The following SPIDR variants were observed in gnomAD, a reference collection of about 807,000 sequenced individuals.
SPIDR encodes scaffold protein involved in DNA repair.
SPIDR carries 93 observed loss-of-function variants against 104.6 expected under a neutral mutation model. The observed-to-expected ratio is 0.89, with a 90% CI of 0.75 to 1.06. The LOEUF is 1.06. Among genes scored for constraint, SPIDR ranks in the 50% least tolerant of loss-of-function variants. SPIDR has a pLI of 0.00. For synonymous variants in SPIDR, 431 were observed against 416.9 expected, an observed-to-expected ratio of 1.03 and a Z score of -0.41; for missense variants, 1,154 against 1,111.2, an observed-to-expected ratio of 1.04 and a Z score of -0.55.
chr8:47,710,731 G>C (rs976005961), intron 14 of SPIDR, among the ~76,000 whole-genome samples: 2 of 152,062 alleles, frequency 1.3e-5, no homozygotes, highest in African/African-American at 4.8e-5. Context: ...GCCTCCCAAA[G>C]TGCTGAGATT....
chr8:47,557,329 A>G (rs551933520), intron 8 of SPIDR, among the ~76,000 whole-genome samples: 1 of 152,302 alleles, frequency 6.6e-6, no homozygotes, highest in African/African-American at 2.4e-5. Flanking sequence ...CCTGAACCCT[A>G]GGAACCTACG....
At chr8:47,576,027 G>C (rs1011338415) in intron 8 of SPIDR, among the ~76,000 whole-genome samples, 2 of 150,264 alleles carry the variant, frequency 1.3e-5, no homozygotes, top group East Asian at 3.9e-4. Flanking sequence ...AATTTTAAAC[G>C]ATCTGTTATG....
intron 5 of SPIDR, among the ~76,000 whole-genome samples, chr8:47,388,935 T>C (rs1439993126): frequency 6.6e-6 from 1 of 152,242 alleles, no homozygotes; most frequent in African/African-American, 2.4e-5. Context: ...ACCAGACTGT[T>C]GTCTTTGTTG....
intron 8 of SPIDR, among the ~76,000 whole-genome samples, chr8:47,517,029 G>A (rs1254335670): frequency 6.6e-6 from 1 of 152,154 alleles, no homozygotes; most frequent in African/African-American, 2.4e-5. Context: ...TTGTCGCCCA[G>A]GCTGGAGTAC....
At chr8:47,298,103 A>T (rs2041247033) in intron 5 of SPIDR, among the ~76,000 whole-genome samples, 1 of 152,132 alleles carries the variant, frequency 6.6e-6, no homozygotes, top group Non-Finnish European at 1.5e-5. Context: ...GTTTCTCCAC[A>T]TCCTCTCCAG....
rs139535482 is a variant in SPIDR, at chr8:47,581,543, C to T, written c.1098-14268C>T. On this transcript the variant is annotated intron_variant, in intron 8 of 19. Transcript: ENST00000297423. ...AGTATCTCTCCCTGTATAAGGCGCT[C>T]CAGCATAGTAGCCCTGCTGGACAGA... Among the ~76,000 whole-genome samples the T allele has an allele frequency of 4.9e-3, 753 of 152,258 alleles. 7 individuals are homozygous for T. The highest frequency in any genetic ancestry group is 0.017 in the African/African-American group (715 of 41,546).
chr8:47,439,922 GA>G (rs1303468558), intron 7 of SPIDR, among the ~76,000 whole-genome samples: 1 of 152,142 alleles, frequency 6.6e-6, no homozygotes, highest in African/African-American at 2.4e-5. Context: ...AATCAAAACA[GA>G]TAATAAAGAG....
Position 47,424,797 on chromosome 8 carries a change from G to A in SPIDR, c.878-15526G>A, listed in dbSNP as rs544299264. Among the ~76,000 whole-genome samples, 30 of 152,272 alleles carry A rather than the reference G, an allele frequency of 2.0e-4. 1 individual carries two copies. Among genetic ancestry groups the A allele is most frequent in the Admixed American group, 1.5e-3 (23 of 15,300 alleles). ...GTTGTGCAGGCTGGAGTGCAGTGGC[G>A]CAGCCTTGGCTCACTGTAACCTCCG... On this transcript the variant is annotated intron_variant, in intron 7 of 19. Transcript: ENST00000297423.
chr8:47,506,857 T>G (rs2081563243), intron 8 of SPIDR, among the ~76,000 whole-genome samples: 1 of 152,076 alleles, frequency 6.6e-6, no homozygotes, highest in Non-Finnish European at 1.5e-5. Context: ...TAGCAGGCGG[T>G]CCCTCCAAAT....
chr8:47,506,219 A>G (rs970222958), intron 8 of SPIDR, among the ~76,000 whole-genome samples: 14 of 152,158 alleles, frequency 9.2e-5, no homozygotes, highest in Non-Finnish European at 2.1e-4. Context: ...CAGCTACTAG[A>G]CAGTTCAGCA....
chr8:47,563,287 G>A (rs1298928134), intron 8 of SPIDR, among the ~76,000 whole-genome samples: 1 of 151,794 alleles, frequency 6.6e-6, no homozygotes, highest in African/African-American at 2.4e-5. Context: ...CTCCTGCCTC[G>A]GCTCACCAAG....
intron 8 of SPIDR, among the ~76,000 whole-genome samples, chr8:47,570,602 T>C (rs1303625601): frequency 6.6e-6 from 1 of 151,972 alleles, no homozygotes; most frequent in African/African-American, 2.4e-5. Context: ...AAAGACACTA[T>C]CAAGAAAGTG....
chr8:47,511,413 CAT>C, intron 8 of SPIDR: 1 of 827,546 alleles, frequency 1.2e-6, no homozygotes. Context: ...ATTTGGACTT[CAT>C]AAAGTCCTCG....
intron 8 of SPIDR, among the ~76,000 whole-genome samples, chr8:47,453,530 T>C (rs1383019690): frequency 1.3e-5 from 2 of 152,058 alleles, no homozygotes; most frequent in Non-Finnish European, 2.9e-5. Context: ...TACAGACCAA[T>C]GGAACAGAAC....
chr8:47,363,673 G>A (rs1339169867), intron 5 of SPIDR, among the ~76,000 whole-genome samples: 3 of 151,726 alleles, frequency 2.0e-5, no homozygotes, highest in Non-Finnish European at 4.4e-5. Flanking sequence ...TTATGTTATC[G>A]AAATGATATT....
At chr8:47,297,855 C>T (rs2041184217) in intron 5 of SPIDR, among the ~76,000 whole-genome samples, 1 of 152,178 alleles carries the variant, frequency 6.6e-6, no homozygotes, top group Admixed American at 6.5e-5. Context: ...TCCAGTCTAT[C>T]ATTGTTGGAC....
intron 7 of SPIDR, among the ~76,000 whole-genome samples, chr8:47,416,688 G>A (rs1339904224): frequency 2.0e-5 from 3 of 151,808 alleles, no homozygotes; most frequent in Admixed American, 6.6e-5. Flanking sequence ...TCTTACATAT[G>A]TATATATGTG....
At chr8:47,728,606 G>A (rs1055032031) in intron 17 of SPIDR, 3 of 257,918 alleles carry the variant, frequency 1.2e-5, no homozygotes, top group African/African-American at 6.9e-5. Flanking sequence ...TGGCAGCTGA[G>A]AGCAGACTTT....
chr8:47,558,483 C>A (rs11782572), intron 8 of SPIDR, among the ~76,000 whole-genome samples: 1 of 151,658 alleles, frequency 6.6e-6, no homozygotes, highest in South Asian at 2.1e-4. Flanking sequence ...TTTGTAGCTC[C>A]GATTGAACAC....
Sources: gnomAD v4.1 joint callset for allele counts (sites outside exome capture counted in the v4.1 genomes callset) on GRCh38, gnomAD v4.1.1 for gene constraint, MANE v1.5 for transcripts, NCBI Gene and HGNC (gene_info 2026-07-23, HGNC 2026-07-21) for gene names.